PDE4D: variants seen among roughly 807,000 people sequenced by gnomAD.
PDE4D encodes the protein 3',5'-cyclic-AMP phosphodiesterase 4D.
In PDE4D, 24 loss-of-function variants were observed where a neutral mutation model predicts 87.4. The observed-to-expected ratio is 0.27, with a 90% CI of 0.20 to 0.39. PDE4D has a LOEUF of 0.39. PDE4D is among the 10% of genes least tolerant of loss of function. The probability of loss-of-function intolerance (pLI) is 1.00; values close to 1 mark genes in which losing one functional copy is unlikely to be tolerated. For synonymous variants in PDE4D, 384 were observed against 383.2 expected (o/e 1.00, Z -0.02); for missense variants, 714 against 1,041.0 (o/e 0.69, Z 4.32).
intron 5 of PDE4D, among the ~76,000 whole-genome samples, chr5:59,087,785 A>G (rs1330567503): frequency 6.6e-6 from 1 of 152,088 alleles, no homozygotes; most frequent in Admixed American, 6.6e-5. Context: ...TCATACTGCA[A>G]TATTTGCTCG....
intron 1 of PDE4D, among the ~76,000 whole-genome samples, chr5:60,497,753 T>A (rs145985707): frequency 1.3e-3 from 200 of 152,240 alleles, no homozygotes; most frequent in African/African-American, 4.6e-3. Flanking sequence ...CTTTCTACTT[T>A]TCTATCAAAA....
intron 3 of PDE4D, among the ~76,000 whole-genome samples, chr5:59,920,714 C>T (rs1415584736): frequency 2.6e-5 from 4 of 152,066 alleles, no homozygotes; most frequent in African/African-American, 9.7e-5. Context: ...TTTGTAGGGA[C>T]ACGGATGAAA....
chr5:59,861,804 T>C (rs1051339581), intron 1 of PDE4D, among the ~76,000 whole-genome samples: 1 of 152,184 alleles, frequency 6.6e-6, no homozygotes, highest in Non-Finnish European at 1.5e-5. Context: ...GAAAACTTTG[T>C]GGATATGGAG....
intron 3 of PDE4D, among the ~76,000 whole-genome samples, chr5:59,916,265 G>C (rs981732797): frequency 1.3e-5 from 2 of 152,082 alleles, no homozygotes; most frequent in Admixed American, 6.5e-5. Context: ...CATGTCATCA[G>C]GAAATACTAA....
intron 1 of PDE4D, among the ~76,000 whole-genome samples, chr5:60,306,763 A>G (rs537940421): frequency 4.7e-4 from 71 of 152,140 alleles, no homozygotes; most frequent in Non-Finnish European, 8.8e-4. Flanking sequence ...GTAAGAAAAC[A>G]TGAAGTGATG....
At chr5:59,747,868 C>T (rs1386941551) in intron 1 of PDE4D, among the ~76,000 whole-genome samples, 1 of 152,178 alleles carries the variant, frequency 6.6e-6, no homozygotes, top group Non-Finnish European at 1.5e-5. Context: ...AATATTGCTC[C>T]TGCAATTGTC....
At chr5:59,630,773 A>G (rs1175914159) in intron 1 of PDE4D, among the ~76,000 whole-genome samples, 1 of 152,162 alleles carries the variant, frequency 6.6e-6, no homozygotes, top group Non-Finnish European at 1.5e-5. Context: ...TGCCTACACT[A>G]AACATGGCTA....
At chr5:59,123,773 G>C (rs1774959694) in intron 5 of PDE4D, among the ~76,000 whole-genome samples, 1 of 152,148 alleles carries the variant, frequency 6.6e-6, no homozygotes, top group South Asian at 2.1e-4. Flanking sequence ...TTGTTTGAAA[G>C]GAGCTTATAC....
At chr5:59,924,947 G>A (rs1236048053) in intron 3 of PDE4D, among the ~76,000 whole-genome samples, 4 of 151,948 alleles carry the variant, frequency 2.6e-5, no homozygotes, top group African/African-American at 4.8e-5. Flanking sequence ...AGGCTGAAGC[G>A]GGCAGATCAC....
chr5:60,006,111 T>C (rs1365592091), intron 2 of PDE4D, among the ~76,000 whole-genome samples: 1 of 151,914 alleles, frequency 6.6e-6, no homozygotes, highest in African/African-American at 2.4e-5. Flanking sequence ...TGAAGAAATA[T>C]TGTGTATTGA....
At chr5:59,245,657 T>A (rs566633240) in intron 1 of PDE4D, among the ~76,000 whole-genome samples, 2 of 152,166 alleles carry the variant, frequency 1.3e-5, no homozygotes, top group Non-Finnish European at 2.9e-5. Flanking sequence ...TGTATGTATG[T>A]CTATCTGTAC....
chr5:59,509,865 T>C (rs1809971558), intron 1 of PDE4D, among the ~76,000 whole-genome samples: 1 of 147,404 alleles, frequency 6.8e-6, no homozygotes, highest in Non-Finnish European at 1.5e-5. Flanking sequence ...AAGTTATAAA[T>C]ATATAAAATA....
At chr5:59,400,950 T>C (rs961301123) in intron 1 of PDE4D, among the ~76,000 whole-genome samples, 1 of 152,136 alleles carries the variant, frequency 6.6e-6, no homozygotes, top group Non-Finnish European at 1.5e-5. Flanking sequence ...AGCATCCCCA[T>C]CCAAAAACCT....
intron 1 of PDE4D, among the ~76,000 whole-genome samples, chr5:60,356,690 T>C (rs546380080): frequency 6.6e-6 from 1 of 152,266 alleles, no homozygotes; most frequent in African/African-American, 2.4e-5. Flanking sequence ...ATTGGAAAAA[T>C]AGTACTGAAT....
intron 1 of PDE4D, among the ~76,000 whole-genome samples, chr5:60,512,349 T>G (rs1750614653): frequency 6.6e-6 from 1 of 152,224 alleles, no homozygotes; most frequent in African/African-American, 2.4e-5. Context: ...AGAATTGTTT[T>G]GATAGTCCTG....
intron 3 of PDE4D, among the ~76,000 whole-genome samples, chr5:59,958,494 G>C (rs2152808691): frequency 6.6e-6 from 1 of 152,236 alleles, no homozygotes; most frequent in South Asian, 2.1e-4. Flanking sequence ...TACATACACA[G>C]TATTAAGAAA....
chr5:59,963,369 G>C (rs1759681191), intron 3 of PDE4D, among the ~76,000 whole-genome samples: 1 of 152,110 alleles, frequency 6.6e-6, no homozygotes, highest in African/African-American at 2.4e-5. Flanking sequence ...CTGTTCTCCA[G>C]GTCTGAAAGC....
Position 59,429,299 on chromosome 5 carries a change from G to A in PDE4D, c.456-213331C>T, listed in dbSNP as rs184677316. Among the ~76,000 whole-genome samples the A allele has an allele frequency of 6.6e-5, 10 of 152,146 alleles. No individual in the cohort carries two copies. In the East Asian group the frequency reaches 7.7e-4, roughly 12 times the overall value. ...AAATAGTTGCTTGGTGCTGCTAGCC[G>A]GTCATAAAGTCAAATAGTGATAGAG... On this transcript the variant is annotated intron_variant, in intron 1 of 14. Coordinates refer to ENST00000340635, the MANE Select transcript of PDE4D (RefSeq NM_001104631.2).
intron 1 of PDE4D, among the ~76,000 whole-genome samples, chr5:59,282,328 A>G (rs1361208999): frequency 6.6e-6 from 1 of 152,116 alleles, no homozygotes; most frequent in Non-Finnish European, 1.5e-5. Context: ...ACACTGAGAT[A>G]AATTGAGATT....
Sources: allele counts gnomAD v4.1 joint callset (sites outside exome capture counted in the v4.1 genomes callset), GRCh38; gene constraint gnomAD v4.1.1; transcripts MANE v1.5; gene names NCBI Gene and HGNC (gene_info 2026-07-23, HGNC 2026-07-21).